The following MGST3 variants were observed in gnomAD, a reference collection of about 807,000 sequenced individuals.
MGST3 encodes microsomal glutathione S-transferase 3.
MGST3 carries 13 observed loss-of-function variants against 15.8 expected under a neutral mutation model. The ratio of observed to expected loss-of-function variants is 0.82; its 90% CI spans 0.54 to 1.31. MGST3 has a LOEUF of 1.31. Among genes scored for constraint, MGST3 ranks in the 50% most tolerant of loss-of-function variants. The probability of loss-of-function intolerance (pLI) is 0.00; values close to 1 mark genes in which losing one functional copy is unlikely to be tolerated. For missense variants in MGST3, 155 were observed against 192.4 expected (o/e 0.81, Z 1.15); for synonymous variants, 49 against 68.1 (o/e 0.72, Z 1.38).
chr1:165,651,370 T>C, intron 3 of MGST3: 1 of 481,080 alleles, frequency 2.1e-6, no homozygotes, highest in Non-Finnish European at 3.8e-6. Context: ...AAACCGATGT[T>C]GACTCTCCCA....
chr1:165,653,418 C>T (rs1177972143), intron 4 of MGST3, among the ~76,000 whole-genome samples: 1 of 152,172 alleles, frequency 6.6e-6, no homozygotes, highest in Non-Finnish European at 1.5e-5. Flanking sequence ...ACTAGAGCTG[C>T]TATATCGTGA....
At position 165,639,834 on chromosome 1, in the gene MGST3, G is replaced by A. The variant is rs373546918; in HGVS notation, c.-8+8541G>A. Among the ~76,000 whole-genome samples, 150 of 152,244 alleles carry A rather than the reference G, an allele frequency of 9.9e-4. 2 individuals are homozygous for A. In the South Asian group the frequency reaches 0.014, roughly 14 times the overall value. Reference sequence around the variant, plus strand: ...AAACAAAACAAAAGAAGCACTCTATGGGACCAGGTCTTATAGTTAGGTATT... The same window carrying A: ...AAACAAAACAAAAGAAGCACTCTATAGGACCAGGTCTTATAGTTAGGTATT... On this transcript the variant is annotated intron_variant, in intron 1 of 5. Coordinates refer to ENST00000367889, the MANE Select transcript of MGST3 (RefSeq NM_004528.4).
intron 4 of MGST3, among the ~76,000 whole-genome samples, chr1:165,652,303 C>G (rs1648582050): frequency 6.6e-6 from 1 of 152,176 alleles, no homozygotes; most frequent in Non-Finnish European, 1.5e-5. Context: ...AATTTGAACT[C>G]AGGTCTGTCT....
chr1:165,632,810 C>G (rs1024069083), intron 1 of MGST3, among the ~76,000 whole-genome samples: 12 of 152,020 alleles, frequency 7.9e-5, no homozygotes, highest in African/African-American at 2.9e-4. Flanking sequence ...ATCCTCCTCG[C>G]CTGGAGATTA....
chr1:165,637,308 AAG>A (rs1192720479), intron 1 of MGST3, among the ~76,000 whole-genome samples: 1 of 152,190 alleles, frequency 6.6e-6, no homozygotes, highest in Non-Finnish European at 1.5e-5. Context: ...TTTGGGAGCA[AAG>A]AGAGAGAGCT....
intron 1 of MGST3, among the ~76,000 whole-genome samples, chr1:165,634,534 C>A (rs1648045568): frequency 6.6e-6 from 1 of 152,108 alleles, no homozygotes; most frequent in Non-Finnish European, 1.5e-5. Context: ...ACACTGGACT[C>A]TTTTCTCTCC....
intron 5 of MGST3, 50 bp from the exon 6 acceptor site, chr1:165,655,318 T>C (rs1648678126): frequency 6.2e-7 from 1 of 1,610,782 alleles, no homozygotes; most frequent in African/African-American, 1.3e-5. Flanking sequence ...GTTGAAAGCA[T>C]CATAATTCTG....
chr1:165,632,362 G>C, intron 1 of MGST3: 1 of 1,445,576 alleles, frequency 6.9e-7, no homozygotes, highest in Non-Finnish European at 9.7e-7. Flanking sequence ...GCTTCTCTTG[G>C]GAAATCTGTA....
chr1:165,644,966 G>A lies in MGST3; in HGVS notation c.-7-4875G>A, dbSNP rs1648358477. Among the ~76,000 whole-genome samples the A allele has an allele frequency of 2.6e-5, 4 of 152,110 alleles. No homozygotes were observed. The South Asian group carries it at 8.3e-4, about 32-fold the overall frequency. ...AGTAGAAACAGGGTTTCACCATGTT[G>A]GCCAGGCTGGTTTTGAACTCCTGAC... On this transcript the variant is annotated intron_variant, in intron 1 of 5. Coordinates refer to ENST00000367889, the MANE Select transcript of MGST3 (RefSeq NM_004528.4).
chr1:165,651,079 C>G lies in MGST3; in HGVS notation c.183C>G (p.His61Gln). The change falls in exon 3 of 6, where the codon CAC (histidine) becomes CAG (glutamine). Residue 61 changes from histidine (H) to glutamine (Q), a missense_variant. Transcript: ENST00000367889. ...TCTTCAACTGCATTCAGCGAGCCCA[C>G]CAGAACACGTGAGTGTCGGCCCTGC... ...GHIFNCIQRAHQNTLEVYPPF... is the reference protein window; with the variant it reads ...GHIFNCIQRAQQNTLEVYPPF... 1 of 1,614,168 alleles carries G rather than the reference C, an allele frequency of 6.2e-7. No homozygotes were observed. Among genetic ancestry groups the G allele is most frequent in the Non-Finnish European group, 8.5e-7 (1 of 1,179,996 alleles).
intron 1 of MGST3, among the ~76,000 whole-genome samples, chr1:165,639,855 GTAT>G (rs1648214421): frequency 6.6e-6 from 1 of 152,108 alleles, no homozygotes. Context: ...TTATAGTTAG[GTAT>G]TATATATGTA....
chr1:165,644,534 T>C (rs549490474), intron 1 of MGST3, among the ~76,000 whole-genome samples: 88 of 152,320 alleles, frequency 5.8e-4, no homozygotes, highest in African/African-American at 2.0e-3. Flanking sequence ...GTGGTGAGTG[T>C]GAAGGCCTAG....
intron 4 of MGST3, 194 bp from the exon 5 acceptor site, chr1:165,654,085 A>G: frequency 5.0e-6 from 3 of 595,534 alleles, no homozygotes; most frequent in Non-Finnish European, 6.1e-6. Flanking sequence ...AAGCCAAGCC[A>G]TTCATAGAAG....
chr1:165,652,458 T>G (rs4147601), intron 4 of MGST3, among the ~76,000 whole-genome samples: 20,291 of 151,952 alleles, frequency 0.13, 1,524 homozygotes, highest in Non-Finnish European at 0.17. Flanking sequence ...TGTTGTGGGG[T>G]GTGGGGTGGT....
intron 1 of MGST3, chr1:165,647,668 AC>A (rs1648443110): frequency 6.6e-6 from 1 of 152,112 alleles, no homozygotes; most frequent in Non-Finnish European, 1.5e-5. Context: ...GCAAACTTTA[AC>A]CTAAAGCAAA....
chr1:165,652,866 C>T lies in MGST3; in HGVS notation c.249+831C>T, dbSNP rs572532974. 3.9e-5 allele frequency among the ~76,000 whole-genome samples: 6 copies of T among 152,332 alleles called. No individual in the cohort carries two copies. In the South Asian group the frequency reaches 1.2e-3, roughly 32 times the overall value. ...GATGGAGATTTAGTCTGCACTTAAA[C>T]ATATCTAAATAAAGCAAGTTTATCA... On this transcript the variant is annotated intron_variant, in intron 4 of 5. Transcript: ENST00000367889.
intron 4 of MGST3, 78 bp downstream of exon 4, chr1:165,652,113 A>G: frequency 9.8e-7 from 1 of 1,023,416 alleles, no homozygotes; most frequent in East Asian, 2.4e-5. Context: ...AAGGAAATAA[A>G]CATTTAATGA....
chr1:165,641,291 T>C (rs2101717562), intron 1 of MGST3, among the ~76,000 whole-genome samples: 1 of 152,378 alleles, frequency 6.6e-6, no homozygotes, highest in South Asian at 2.1e-4. Flanking sequence ...GGACCCTTTC[T>C]TGTTCACTGC....
intron 4 of MGST3, among the ~76,000 whole-genome samples, chr1:165,653,385 T>C (rs967508748): frequency 1.3e-5 from 2 of 152,208 alleles, no homozygotes; most frequent in Admixed American, 1.3e-4. Flanking sequence ...GGCAACATTA[T>C]AGTAAAGAAG....
Sources: gnomAD v4.1 joint callset for allele counts (sites outside exome capture counted in the v4.1 genomes callset) on GRCh38, gnomAD v4.1.1 for gene constraint, MANE v1.5 for transcripts, NCBI Gene and HGNC (gene_info 2026-07-23, HGNC 2026-07-21) for gene names.